Variants in HPF1 observed in about 807,000 individuals in gnomAD.
HPF1 encodes the protein UPF0609 protein C4orf27.
In HPF1, 35 loss-of-function variants were observed where a neutral mutation model predicts 38.8. The observed-to-expected ratio is 0.90, with a 90% CI of 0.69 to 1.19. The LOEUF (loss-of-function observed/expected upper bound fraction) is 1.19. Ranked by LOEUF, HPF1 falls within the 50% of genes most tolerant of loss-of-function variation. The pLI is 0.00. For missense variants in HPF1, 367 were observed against 405.8 expected (o/e 0.90, Z 0.82); for synonymous variants, 115 against 139.2 (o/e 0.83, Z 1.22).
chr4:169,742,043 T>A lies in HPF1; in HGVS notation c.562A>T (p.Ile188Leu), dbSNP rs62637696. The A allele has an allele frequency of 6.2e-7, 1 of 1,611,114 alleles. No individual in the cohort carries two copies. Among genetic ancestry groups the A allele is most frequent in the African/African-American group, 1.3e-5 (1 of 74,864 alleles). The change falls in exon 5 of 8, where the codon ATA (isoleucine) becomes TTA (leucine). Residue 188 changes from isoleucine to leucine, a missense_variant. Ile to Leu is a conservative substitution (Grantham distance 5). Coordinates refer to ENST00000393381, the MANE Select transcript of HPF1 (RefSeq NM_017867.3). ...GCTGCTTCTGTGAGTTTTTCATCTA[T>A]GTTTTTCAAGAGATTGATTTTCTTT... ...DKKKINLLKN[I>L]DEKLTEAARE...
chr4:169,743,606 TATC>T (rs1159343476), intron 4 of HPF1, among the ~76,000 whole-genome samples: 1 of 151,944 alleles, frequency 6.6e-6, no homozygotes, highest in African/African-American at 2.4e-5. Flanking sequence ...TGTGAATATA[TATC>T]ATGTTAATGC....
At chr4:169,748,583 G>A (rs1169267389) in intron 4 of HPF1, among the ~76,000 whole-genome samples, 161 bp downstream of exon 4, 2 of 152,062 alleles carry the variant, frequency 1.3e-5, no homozygotes, top group African/African-American at 4.8e-5. Context: ...ATGTTGTCCA[G>A]GCTGGTCTCG....
At chr4:169,741,179 A>C (rs1733964923) in intron 5 of HPF1, among the ~76,000 whole-genome samples, 1 of 152,236 alleles carries the variant, frequency 6.6e-6, no homozygotes, top group South Asian at 2.1e-4. Flanking sequence ...AGTAGGATTT[A>C]ATGCCTAAGT....
chr4:169,741,867 G>A (rs1209898332), intron 5 of HPF1, 90 bp downstream of exon 5: 2 of 1,059,806 alleles, frequency 1.9e-6, no homozygotes, highest in East Asian at 4.8e-5. Context: ...TAGGACTAGG[G>A]AAGAGAAGGG....
intron 6 of HPF1, chr4:169,732,137 A>ATTT (rs70964219): frequency 0.01 from 1,600 of 156,082 alleles, 18 homozygotes; most frequent in Non-Finnish European, 0.014. Flanking sequence ...TACAGTCACG[A>ATTT]TTTTTTTTTT....
chr4:169,744,510 A>G (rs1005396814), intron 4 of HPF1, among the ~76,000 whole-genome samples: 15 of 152,212 alleles, frequency 9.9e-5, no homozygotes, highest in Non-Finnish European at 2.1e-4. Context: ...ATCCATTAGA[A>G]TGTCTTCAAC....
chr4:169,742,518 C>G (rs576708226), intron 4 of HPF1, among the ~76,000 whole-genome samples: 1 of 152,132 alleles, frequency 6.6e-6, no homozygotes, highest in East Asian at 1.9e-4. Context: ...TCAGGCAAGG[C>G]GCAGTGGCTC....
intron 7 of HPF1, 21 bp from the exon 8 acceptor site, chr4:169,729,730 A>G (rs767103397): frequency 6.1e-6 from 9 of 1,466,466 alleles, no homozygotes; most frequent in Non-Finnish European, 8.2e-6. Context: ...AAAATATAAC[A>G]TTAAGCAGAG....
intron 7 of HPF1, among the ~76,000 whole-genome samples, chr4:169,729,962 C>G (rs1019489343): frequency 6.6e-6 from 1 of 152,182 alleles, no homozygotes; most frequent in Non-Finnish European, 1.5e-5. Flanking sequence ...TCCTTATTCC[C>G]TTAGGTTTTA....
chr4:169,737,637 A>G (rs1733915024), intron 6 of HPF1, 23 bp downstream of exon 6: 2 of 1,408,400 alleles, frequency 1.4e-6, no homozygotes, highest in Non-Finnish European at 2.0e-6. Context: ...ATATATGCAC[A>G]TGTTTACTAT....
At chr4:169,755,056 C>A (rs1475326393) in intron 1 of HPF1, among the ~76,000 whole-genome samples, 2 of 14,752 alleles carry the variant, frequency 1.4e-4, no homozygotes, top group Admixed American at 1.7e-3. Flanking sequence ...CTAATGCTAT[C>A]CCTCCCCCCG....
At chr4:169,746,991 T>TAAA (rs143447278) in intron 4 of HPF1, among the ~76,000 whole-genome samples, 28 of 139,530 alleles carry the variant, frequency 2.0e-4, no homozygotes, top group East Asian at 1.9e-3. Flanking sequence ...TTATCTTTTT[T>TAAA]TAAAAAAAAA....
At chr4:169,730,362 T>TG (rs1307246378) in intron 7 of HPF1, among the ~76,000 whole-genome samples, 2 of 152,266 alleles carry the variant, frequency 1.3e-5, no homozygotes, top group African/African-American at 2.4e-5. Flanking sequence ...TCACATCTTA[T>TG]GGCTCTACTT....
At chr4:169,739,958 C>T (rs1303128155) in intron 5 of HPF1, among the ~76,000 whole-genome samples, 2 of 152,086 alleles carry the variant, frequency 1.3e-5, no homozygotes, top group East Asian at 3.8e-4. Flanking sequence ...CAGATGATTA[C>T]CTGTACTAAT....
At chr4:169,755,714 AAACT>A (rs1185731329) in intron 1 of HPF1, among the ~76,000 whole-genome samples, 2 of 152,262 alleles carry the variant, frequency 1.3e-5, no homozygotes, top group African/African-American at 4.8e-5. Context: ...TGAAGTTCAA[AAACT>A]AAGAATAAAT....
intron 6 of HPF1, among the ~76,000 whole-genome samples, chr4:169,736,564 G>A (rs545704716): frequency 9.9e-5 from 15 of 152,182 alleles, no homozygotes; most frequent in Admixed American, 7.9e-4. Flanking sequence ...CTACTGGCTG[G>A]AGACTCTGCA....
chr4:169,742,942 A>T lies in HPF1; in HGVS notation c.498-835T>A, dbSNP rs552781028. Among the ~76,000 whole-genome samples the T allele has an allele frequency of 2.5e-4, 38 of 151,620 alleles. No homozygotes were observed. The East Asian group carries it at 6.9e-3, about 28-fold the overall frequency. On this transcript the variant is annotated intron_variant, in intron 4 of 7. Transcript: ENST00000393381. ...ATAGTGAAACCCTGTCTCCACCAAA[A>T]ATACAAAAATTAGCTGGGCATGGTG...
chr4:169,731,167 G>C (rs185973212), intron 7 of HPF1, among the ~76,000 whole-genome samples: 1 of 152,318 alleles, frequency 6.6e-6, no homozygotes, highest in South Asian at 2.1e-4. Context: ...AACTATGGTC[G>C]AGTAAGCACT....
intron 5 of HPF1, among the ~76,000 whole-genome samples, chr4:169,738,054 A>G (rs983933393): frequency 6.6e-6 from 1 of 152,174 alleles, no homozygotes; most frequent in African/African-American, 2.4e-5. Context: ...GGCAAGTCAA[A>G]ATATTGGTTT....
Sources: allele counts gnomAD v4.1 joint callset (sites outside exome capture counted in the v4.1 genomes callset), GRCh38; gene constraint gnomAD v4.1.1; transcripts MANE v1.5; gene names NCBI Gene and HGNC (gene_info 2026-07-23, HGNC 2026-07-21).